CAST: variants seen among roughly 807,000 people sequenced by gnomAD.
The protein encoded by CAST is calpastatin.
CAST carries 76 observed loss-of-function variants against 119.6 expected under a neutral mutation model. The observed-to-expected ratio is 0.64, with a 90% CI of 0.53 to 0.77. The LOEUF (loss-of-function observed/expected upper bound fraction) is 0.77, where lower values mean the gene tolerates loss of function less well. CAST is among the 30% of genes least tolerant of loss of function. The pLI is 0.00. For synonymous variants in CAST, 319 were observed against 331.6 expected, an observed-to-expected ratio of 0.96 and a Z score of 0.41; for missense variants, 953 against 946.5, an observed-to-expected ratio of 1.01 and a Z score of -0.09.
the CAST span, among the ~76,000 whole-genome samples, chr5:96,462,503 T>C: frequency 9.3e-3 from 1,419 of 152,248 alleles, 19 homozygotes; most frequent in African/African-American, 0.032. Context: ...AGGACTTTAT[T>C]AAATATAAAT....
rs377173590 is a variant in CAST, at chr5:96,615,914, A to G, written c.61-59625A>G. Among the ~76,000 whole-genome samples the G allele has an allele frequency of 2.1e-3, 318 of 152,292 alleles. 9 individuals carry two copies. The South Asian group carries it at 0.064, about 31-fold the overall frequency. On this transcript the variant is annotated intron_variant, in intron 1 of 11. Coordinates refer to the CAST transcript ENST00000505143. ...TCGGCCATCTGCAAGCTGAGGAGCA[A>G]GGAAGCCAGTCTGAGTCCCAAAACT...
the CAST span, among the ~76,000 whole-genome samples, chr5:96,409,760 ACC>A: frequency 1.3e-5 from 2 of 151,966 alleles, no homozygotes; most frequent in African/African-American, 4.8e-5. Context: ...CTGCCATAAA[ACC>A]CCTCGGTAGA....
At chr5:96,582,685 C>T (rs1277767640) in intron 1 of CAST, among the ~76,000 whole-genome samples, 2 of 152,152 alleles carry the variant, frequency 1.3e-5, no homozygotes, top group Non-Finnish European at 2.9e-5. Context: ...CTGTAACCCT[C>T]CCTCAGAGTT....
At chr5:95,966,594 G>A in the CAST span, among the ~76,000 whole-genome samples, 1 of 151,920 alleles carries the variant, frequency 6.6e-6, no homozygotes, top group South Asian at 2.1e-4. Flanking sequence ...ATTGTGATTT[G>A]GAAGTAAGGA....
chr5:96,195,729 C>T, the CAST span, among the ~76,000 whole-genome samples: 2 of 152,072 alleles, frequency 1.3e-5, no homozygotes, highest in African/African-American at 4.8e-5. Flanking sequence ...GGAGTCATGA[C>T]CGAATTATAA....
intron 17 of CAST, 148 bp downstream of exon 17, chr5:96,746,573 C>CCTA: frequency 1.5e-6 from 1 of 674,004 alleles, no homozygotes; most frequent in Non-Finnish European, 2.7e-6. Flanking sequence ...TTCTCTGCTC[C>CCTA]CTACAGTTAG....
At chr5:96,098,325 A>T in the CAST span, among the ~76,000 whole-genome samples, 1 of 152,004 alleles carries the variant, frequency 6.6e-6, no homozygotes, top group Non-Finnish European at 1.5e-5. Context: ...CTTTAATTTA[A>T]TTGGATCCCA....
At chr5:96,393,574 A>T in the CAST span, among the ~76,000 whole-genome samples, 3 of 151,888 alleles carry the variant, frequency 2.0e-5, no homozygotes, top group Non-Finnish European at 1.5e-5. Context: ...ACCTTTAACA[A>T]CCTTTTTAAT....
chr5:96,012,273 T>G, the CAST span, among the ~76,000 whole-genome samples: 1 of 152,164 alleles, frequency 6.6e-6, no homozygotes, highest in African/African-American at 2.4e-5. Flanking sequence ...TCAATCAGTC[T>G]TTTACATCAT....
the CAST span, among the ~76,000 whole-genome samples, chr5:96,169,693 G>C: frequency 9.9e-5 from 15 of 152,176 alleles, no homozygotes; most frequent in East Asian, 9.7e-4. Flanking sequence ...GTGCATGATC[G>C]GTCACCAAGG....
chr5:96,684,290 T>C (rs1751792287), intron 2 of CAST, among the ~76,000 whole-genome samples: 3 of 152,222 alleles, frequency 2.0e-5, no homozygotes, highest in Non-Finnish European at 4.4e-5. Context: ...CCTCCTGTTA[T>C]TGTTATTATT....
the CAST span, among the ~76,000 whole-genome samples, chr5:96,461,120 C>T: frequency 1.3e-5 from 2 of 152,106 alleles, no homozygotes; most frequent in Non-Finnish European, 2.9e-5. Flanking sequence ...CAATATATGG[C>T]ATTTTATGTC....
chr5:96,556,685 G>A (rs1363765367), intron 1 of CAST, among the ~76,000 whole-genome samples: 1 of 152,158 alleles, frequency 6.6e-6, no homozygotes, highest in Non-Finnish European at 1.5e-5. Context: ...AATGAACAAA[G>A]CCTCCAAGAA....
the CAST span, among the ~76,000 whole-genome samples, chr5:96,300,734 A>G: frequency 2.7e-5 from 4 of 150,900 alleles, no homozygotes; most frequent in African/African-American, 7.3e-5. Flanking sequence ...TGAACGTGGG[A>G]TATCTTTCTA....
At chr5:96,224,218 G>A in the CAST span, among the ~76,000 whole-genome samples, 1 of 152,158 alleles carries the variant, frequency 6.6e-6, no homozygotes, top group African/African-American at 2.4e-5. Flanking sequence ...AAAGTCCAGG[G>A]ATAAGTTATG....
the CAST span, among the ~76,000 whole-genome samples, chr5:96,013,077 A>G: frequency 4.3e-3 from 648 of 152,294 alleles, 5 homozygotes; most frequent in African/African-American, 0.015. Context: ...GTGGTCTGTG[A>G]CAGCAGTTTT....
rs1043087754 is a variant in CAST at position 96,620,060 on chromosome 5, T to C, written c.61-55479T>C. ...TGTTAAATGACAATGCATGTTAATTTGCAGGCAGGCAGTAAGGAGAATGGC... is the reference window on the plus strand; with the variant it reads ...TGTTAAATGACAATGCATGTTAATTCGCAGGCAGGCAGTAAGGAGAATGGC... On this transcript the variant is annotated intron_variant, in intron 1 of 11. Transcript: ENST00000505143. Among the ~76,000 whole-genome samples the C allele has an allele frequency of 2.6e-5, 4 of 152,230 alleles. No homozygotes were observed. The South Asian group carries it at 8.3e-4, about 31-fold the overall frequency.
chr5:96,674,821 C>A (rs1410231401), intron 1 of CAST, among the ~76,000 whole-genome samples: 1 of 152,046 alleles, frequency 6.6e-6, no homozygotes, highest in Non-Finnish European at 1.5e-5. Context: ...TTTGAATGTC[C>A]TCACCACAAG....
At chr5:96,042,450 C>T in the CAST span, among the ~76,000 whole-genome samples, 12 of 152,108 alleles carry the variant, frequency 7.9e-5, no homozygotes, top group African/African-American at 2.9e-4. Context: ...CTATTTATTC[C>T]CATATAATTC....
Sources: allele counts gnomAD v4.1 joint callset (sites outside exome capture counted in the v4.1 genomes callset), GRCh38; gene constraint gnomAD v4.1.1; transcripts MANE v1.5; gene names NCBI Gene and HGNC (gene_info 2026-07-23, HGNC 2026-07-21).